The following AVEN variants were observed in gnomAD, a reference collection of about 807,000 sequenced individuals.
The protein encoded by AVEN is cell death regulator Aven.
Under a neutral mutation model 38.1 loss-of-function variants are expected in AVEN, and 41 were observed. The ratio of observed to expected loss-of-function variants is 1.08; its 90% CI spans 0.84 to 1.40. The LOEUF (loss-of-function observed/expected upper bound fraction) is 1.40, where lower values mean the gene tolerates loss of function less well. AVEN is among the 40% of genes most tolerant of loss of function. AVEN has a pLI of 0.00. For missense variants in AVEN, 605 were observed against 438.8 expected (o/e 1.38, Z -3.38); for synonymous variants, 206 against 171.8 (o/e 1.20, Z -1.56).
chr15:33,871,236 T>A (rs916348863), intron 3 of AVEN, among the ~76,000 whole-genome samples: 4 of 152,140 alleles, frequency 2.6e-5, no homozygotes, highest in African/African-American at 7.2e-5. Flanking sequence ...CAGCTCACAC[T>A]GTCAGAGCAA....
At chr15:33,973,779 C>G (rs575978315) in intron 2 of AVEN, among the ~76,000 whole-genome samples, 1 of 152,236 alleles carries the variant, frequency 6.6e-6, no homozygotes, top group South Asian at 2.1e-4. Flanking sequence ...GAGTAAAGAC[C>G]ACATCTAATT....
At chr15:33,933,524 C>CACACACACACAGAGAGAGAGAGAGAG (rs1893945145) in intron 2 of AVEN, among the ~76,000 whole-genome samples, 1 of 46,584 alleles carries the variant, frequency 2.1e-5, no homozygotes, top group Non-Finnish European at 4.5e-5. Flanking sequence ...CACACACACA[C>CACACACACACAGAGAGAGAGAGAGAG]AGAGAGAGAG....
At chr15:33,931,298 G>T (rs191069984) in intron 2 of AVEN, among the ~76,000 whole-genome samples, 1 of 149,804 alleles carries the variant, frequency 6.7e-6, no homozygotes, top group Admixed American at 6.6e-5. Context: ...TCAAATTAAG[G>T]GACCTTTTAA....
At chr15:33,873,083 C>T (rs1478722629) in intron 3 of AVEN, among the ~76,000 whole-genome samples, 1 of 141,922 alleles carries the variant, frequency 7.0e-6, no homozygotes, top group African/African-American at 2.6e-5. Flanking sequence ...CATATTTCTA[C>T]TTTTCCTTTT....
intron 4 of AVEN, chr15:34,065,615 T>TA (rs1435235945): frequency 6.6e-6 from 1 of 152,214 alleles, no homozygotes; most frequent in Non-Finnish European, 1.5e-5. Context: ...GCTTCATTTT[T>TA]AAAAACAAAG....
chr15:33,982,159 A>T (rs892893708), intron 2 of AVEN, among the ~76,000 whole-genome samples: 2 of 151,838 alleles, frequency 1.3e-5, no homozygotes, highest in African/African-American at 4.8e-5. Flanking sequence ...GAACCACCAC[A>T]CCCAGCACTA....
rs1459857677 is a variant in AVEN at position 33,908,509 on chromosome 15, G to C, written c.446-32514C>G. Among the ~76,000 whole-genome samples the C allele has an allele frequency of 2.2e-4, 8 of 35,850 alleles. 3 individuals are homozygous for C. The highest frequency in any genetic ancestry group is 8.2e-4 in the Non-Finnish European group (8 of 9,768). The allele number at this position is 35,850 out of a possible 152,430, so 23.5% of individuals were successfully genotyped here. ...AAATGGGCAAATAGGTTATTCCCAT[G>C]AGAACTCACCCCGAACCCTGGCAAC... On this transcript the variant is annotated intron_variant, in intron 2 of 5. Coordinates refer to ENST00000306730, the MANE Select transcript of AVEN (RefSeq NM_020371.3).
At chr15:33,989,822 T>C (rs533627553) in intron 2 of AVEN, among the ~76,000 whole-genome samples, 2 of 151,784 alleles carry the variant, frequency 1.3e-5, no homozygotes, top group Admixed American at 1.3e-4. Flanking sequence ...ATCTTAATTT[T>C]TTTAAGGAGA....
chr15:34,014,788 G>T (rs1012281778), intron 1 of AVEN, among the ~76,000 whole-genome samples: 9 of 152,186 alleles, frequency 5.9e-5, no homozygotes, highest in African/African-American at 2.2e-4. Flanking sequence ...AAGGCTGAAG[G>T]AGCTGAGAAT....
At chr15:33,893,988 T>C (rs1892100040) in intron 2 of AVEN, among the ~76,000 whole-genome samples, 1 of 150,756 alleles carries the variant, frequency 6.6e-6, no homozygotes, top group Non-Finnish European at 1.5e-5. Flanking sequence ...CTAGCTCTGT[T>C]GCCCAGGCTG....
chr15:34,051,209 A>G (rs1597388691), intron 5 of AVEN, among the ~76,000 whole-genome samples: 1 of 152,220 alleles, frequency 6.6e-6, no homozygotes, highest in East Asian at 1.9e-4. Flanking sequence ...CAACCACACA[A>G]CTACATGGAA....
intron 1 of AVEN, among the ~76,000 whole-genome samples, chr15:34,034,087 A>T (rs1898994659): frequency 1.3e-5 from 2 of 152,094 alleles, no homozygotes. Context: ...GCCCAGCCTA[A>T]ATAATTTATT....
intron 1 of AVEN, among the ~76,000 whole-genome samples, chr15:34,036,075 C>T (rs1200944960): frequency 6.6e-6 from 1 of 151,302 alleles, no homozygotes; most frequent in African/African-American, 2.4e-5. Flanking sequence ...GGATTACAAG[C>T]GCGAGCCACC....
At chr15:34,000,356 A>G (rs531889464) in intron 2 of AVEN, among the ~76,000 whole-genome samples, 2 of 152,366 alleles carry the variant, frequency 1.3e-5, no homozygotes, top group South Asian at 4.1e-4. Context: ...AACAATGGGT[A>G]CTTAAATATC....
chr15:34,014,420 A>G (rs957883872), intron 1 of AVEN, among the ~76,000 whole-genome samples: 1 of 149,408 alleles, frequency 6.7e-6, no homozygotes, highest in South Asian at 2.1e-4. Context: ...TTCTGGGAAG[A>G]TGGCAGCAGC....
rs574166990 is a variant in AVEN at position 34,052,029 on chromosome 15, C to CAGAGAT, written n.1637+10887_1637+10892dup. Among the ~76,000 whole-genome samples, 118 of 152,234 alleles carry CAGAGAT rather than the reference C, an allele frequency of 7.8e-4. 1 individual carries two copies. Among genetic ancestry groups the CAGAGAT allele is most frequent in the African/African-American group, 2.6e-3 (107 of 41,560 alleles). ...GCATCATCCTGATACCAAAGCCTGGCAGAGATACAACAAAAAAAAGAAAAC... is the reference window on the plus strand; with the variant it reads ...GCATCATCCTGATACCAAAGCCTGGCAGAGATAGAGATACAACAAAAAAAAGAAAAC... On this transcript the variant is annotated intron_variant and non_coding_transcript_variant, in intron 5 of 11. Coordinates refer to the AVEN transcript ENST00000675287.
At position 34,018,662 on chromosome 15, in the gene AVEN, A is replaced by AC. The variant is rs1426954878; in HGVS notation, c.268-15454_268-15453insG. On this transcript the variant is annotated intron_variant, in intron 1 of 5. Coordinates refer to ENST00000306730, the MANE Select transcript of AVEN (RefSeq NM_020371.3). ...AGTGAAAGAACAAAGCTTCCACAGA[A>AC]TGGAAAGGGACTCCAGTGGGTTGCT... Among the ~76,000 whole-genome samples the AC allele has an allele frequency of 3.3e-5, 5 of 152,298 alleles. No homozygotes were observed. The East Asian group carries it at 9.6e-4, about 29-fold the overall frequency.
At chr15:34,071,772 C>A (rs1900631042) in intron 1 of AVEN, among the ~76,000 whole-genome samples, 1 of 152,116 alleles carries the variant, frequency 6.6e-6, no homozygotes, top group African/African-American at 2.4e-5. Flanking sequence ...CAAATTTAAA[C>A]TGGTATTTGG....
intron 2 of AVEN, among the ~76,000 whole-genome samples, chr15:33,891,034 AG>A (rs2153040438): frequency 6.6e-6 from 1 of 150,562 alleles, no homozygotes; most frequent in East Asian, 2.0e-4. Flanking sequence ...GCTTGAGGCC[AG>A]GGGGCGAAGG....
Sources: gnomAD v4.1 joint callset for allele counts (sites outside exome capture counted in the v4.1 genomes callset) on GRCh38, gnomAD v4.1.1 for gene constraint, MANE v1.5 for transcripts, NCBI Gene and HGNC (gene_info 2026-07-23, HGNC 2026-07-21) for gene names.